Variants in AVL9 observed in about 807,000 individuals in gnomAD.
AVL9 encodes the protein late secretory pathway protein AVL9 homolog.
Under a neutral mutation model 79.2 loss-of-function variants are expected in AVL9, and 49 were observed. The observed-to-expected ratio is 0.62, with a 90% CI of 0.49 to 0.79. The LOEUF (loss-of-function observed/expected upper bound fraction) is 0.79. AVL9 is among the 30% of genes least tolerant of loss of function. The pLI, the probability that AVL9 is intolerant of heterozygous loss-of-function variation, is 0.00. For synonymous variants in AVL9, 299 were observed against 280.6 expected, an observed-to-expected ratio of 1.07 and a Z score of -0.65; for missense variants, 682 against 776.8, an observed-to-expected ratio of 0.88 and a Z score of 1.45.
At chr7:32,496,959 G>A (rs1415378934) in intron 1 of AVL9, among the ~76,000 whole-genome samples, 1 of 152,212 alleles carries the variant, frequency 6.6e-6, no homozygotes, top group Non-Finnish European at 1.5e-5. Flanking sequence ...AAAATTAGTT[G>A]CATGTGATAG....
chr7:32,528,243 A>T (rs1018461423), intron 1 of AVL9, among the ~76,000 whole-genome samples: 1 of 152,148 alleles, frequency 6.6e-6, no homozygotes, highest in African/African-American at 2.4e-5. Context: ...AGCCAATGTA[A>T]ACCTTAACAT....
intron 1 of AVL9, among the ~76,000 whole-genome samples, chr7:32,531,183 T>G (rs923845014): frequency 4.6e-5 from 7 of 152,134 alleles, no homozygotes; most frequent in African/African-American, 1.7e-4. Flanking sequence ...AGCTATAGGG[T>G]GTAACGCATT....
intron 1 of AVL9, among the ~76,000 whole-genome samples, chr7:32,501,941 C>CT (rs1787145814): frequency 6.6e-6 from 1 of 152,014 alleles, no homozygotes; most frequent in Non-Finnish European, 1.5e-5. Context: ...AAGACTGCTC[C>CT]TTTTTTATAT....
chr7:32,574,117 C>T (rs1418827579), intron 12 of AVL9, among the ~76,000 whole-genome samples: 1 of 152,070 alleles, frequency 6.6e-6, no homozygotes, highest in African/African-American at 2.4e-5. Context: ...GTTAACTAAC[C>T]ATTATTTTTT....
chr7:32,499,234 T>C (rs374116299), intron 1 of AVL9, among the ~76,000 whole-genome samples: 87 of 152,182 alleles, frequency 5.7e-4, no homozygotes, highest in African/African-American at 2.0e-3. Context: ...ACCTTCTCTG[T>C]AGTAAATTGG....
rs148473119 is a variant in AVL9 at position 32,511,424 on chromosome 7, T to C, written c.93+15622T>C. ...ATTTGTGAGCCATCAGGTCTGGTTG[T>C]GGGAGTCCACAGTCCTGGAAATTCT... On this transcript the variant is annotated intron_variant, in intron 1 of 15. Transcript: ENST00000318709. Among the ~76,000 whole-genome samples, 1,192 of 151,224 alleles carry C rather than the reference T, an allele frequency of 7.9e-3. 18 individuals are homozygous for C. The highest frequency in any genetic ancestry group is 0.026 in the African/African-American group (1,065 of 41,136).
chr7:32,563,940 G>A (rs536623647), intron 10 of AVL9, among the ~76,000 whole-genome samples: 5 of 152,210 alleles, frequency 3.3e-5, no homozygotes, highest in South Asian at 4.1e-4. Flanking sequence ...GAGAAAACTC[G>A]GGTTTCTCAG....
intron 1 of AVL9, among the ~76,000 whole-genome samples, chr7:32,514,619 C>T (rs1787830257): frequency 6.6e-6 from 1 of 152,086 alleles, no homozygotes; most frequent in South Asian, 2.1e-4. Context: ...ATGACATTCC[C>T]CCACAAAAGA....
At chr7:32,525,511 A>T (rs1007708387) in intron 1 of AVL9, among the ~76,000 whole-genome samples, 22 of 152,204 alleles carry the variant, frequency 1.4e-4, no homozygotes, top group African/African-American at 3.9e-4. Context: ...TCTTTAATAG[A>T]AAAGGAGGGC....
intron 12 of AVL9, among the ~76,000 whole-genome samples, chr7:32,574,760 T>G (rs1349588512): frequency 1.8e-5 from 2 of 109,334 alleles, no homozygotes; most frequent in Non-Finnish European, 3.9e-5. Flanking sequence ...CCAAACAGTT[T>G]GGCTTAGGCC....
intron 1 of AVL9, among the ~76,000 whole-genome samples, chr7:32,540,502 C>T (rs1789130419): frequency 6.6e-6 from 1 of 152,094 alleles, no homozygotes; most frequent in African/African-American, 2.4e-5. Context: ...TGAGCAGTTG[C>T]CTTATTTTGG....
Position 32,573,240 on chromosome 7 carries a change from G to C in AVL9, c.1392G>C (p.Arg464Ser). The change falls in exon 12 of 16, where the codon AGG (arginine) becomes AGC (serine). Residue 464 changes from arginine (R) to serine (S), a missense_variant. Transcript: ENST00000318709. Reference sequence around the variant, plus strand: ...TCCAGATCCATGATCCAGAACTCAGGAAGCTGCTTAACCCAACCACTGCAG... The same window carrying C: ...TCCAGATCCATGATCCAGAACTCAGCAAGCTGCTTAACCCAACCACTGCAG... ...ALIQIHDPEL[R>S]KLLNPTTADL... The C allele has an allele frequency of 6.2e-7, 1 of 1,613,974 alleles. No homozygotes were observed. The highest frequency in any genetic ancestry group is 2.2e-5 in the East Asian group (1 of 44,882).
Position 32,505,252 on chromosome 7 carries a change from G to A in AVL9, c.93+9450G>A, listed in dbSNP as rs1477655951. Among the ~76,000 whole-genome samples, 10 of 151,922 alleles carry A rather than the reference G, an allele frequency of 6.6e-5. No individual in the cohort carries two copies. In the East Asian group the frequency reaches 1.2e-3, roughly 18 times the overall value. ...TAGAAAATAAACGCTTCGGCTGGGC[G>A]TGGTGGCTTACGCCTGTAATCCCAG... On this transcript the variant is annotated intron_variant, in intron 1 of 15. Transcript: ENST00000318709.
chr7:32,526,667 G>T (rs747439603), intron 1 of AVL9, among the ~76,000 whole-genome samples: 17 of 152,120 alleles, frequency 1.1e-4, no homozygotes, highest in Non-Finnish European at 8.8e-5. Flanking sequence ...TCCTGGGGAG[G>T]CATCCTGTTT....
In AVL9 at chr7:32,548,920, TA is replaced by T; in HGVS notation, c.372+4del. The T allele has an allele frequency of 3.9e-6, 6 of 1,553,416 alleles. No individual in the cohort carries two copies. The highest frequency in any genetic ancestry group is 5.2e-6 in the Non-Finnish European group (6 of 1,152,152). On this transcript the variant is annotated splice_donor_region_variant and intron_variant, in intron 4 of 15. Transcript: ENST00000318709. ...AGTGTCTGTGTTCTAAGCAAGCTGGTAAGAGACGAAGTAACTTGTTCATTAT... is the reference window on the plus strand; with the variant it reads ...AGTGTCTGTGTTCTAAGCAAGCTGGTAGAGACGAAGTAACTTGTTCATTAT...
chr7:32,516,778 A>T (rs796613277), intron 1 of AVL9, among the ~76,000 whole-genome samples: 6 of 151,572 alleles, frequency 4.0e-5, no homozygotes, highest in African/African-American at 1.5e-4. Context: ...AAAAAAAAAA[A>T]AAAAAGGTGG....
intron 1 of AVL9, among the ~76,000 whole-genome samples, chr7:32,523,508 C>CTTTTTTTTTTTT (rs70992725): frequency 1.3e-5 from 1 of 79,262 alleles, no homozygotes; most frequent in Non-Finnish European, 2.2e-5. Flanking sequence ...TATAAATTTC[C>CTTTTTTTTTTTT]TTTTTTTTTT....
chr7:32,532,934 T>A (rs944166389), intron 1 of AVL9: 1 of 152,328 alleles, frequency 6.6e-6, no homozygotes, highest in Non-Finnish European at 1.5e-5. Context: ...GAGGACCACT[T>A]GAGCACAGGA....
intron 10 of AVL9, chr7:32,562,741 C>A: frequency 3.0e-6 from 1 of 334,698 alleles, no homozygotes; most frequent in Non-Finnish European, 4.1e-6. Context: ...TGCAACAAAG[C>A]AAGACGTCAT....
Sources: allele counts gnomAD v4.1 joint callset (sites outside exome capture counted in the v4.1 genomes callset), GRCh38; gene constraint gnomAD v4.1.1; transcripts MANE v1.5; gene names NCBI Gene and HGNC (gene_info 2026-07-23, HGNC 2026-07-21).